Variants in CFAP43 observed in about 807,000 individuals in gnomAD.
CFAP43 encodes cilia and flagella associated protein 43, also known as cilia- and flagella-associated protein 43.
In CFAP43, 155 loss-of-function variants were observed where a neutral mutation model predicts 218.9. The ratio of observed to expected loss-of-function variants is 0.71; its 90% confidence interval spans 0.62 to 0.81. The LOEUF is 0.81. Ranked by LOEUF, CFAP43 falls within the 30% of genes least tolerant of loss-of-function variation. The pLI is 0.00. For missense variants in CFAP43, 1,778 were observed against 1,954.3 expected, an observed-to-expected ratio of 0.91 and a Z score of 1.70; for synonymous variants, 645 against 681.3, an observed-to-expected ratio of 0.95 and a Z score of 0.83.
chr10:104,210,269 T>A (rs1443017310), intron 5 of CFAP43, among the ~76,000 whole-genome samples: 1 of 152,266 alleles, frequency 6.6e-6, no homozygotes, highest in East Asian at 1.9e-4. Context: ...TCATTGACAT[T>A]CATTAGAGGA....
At chr10:104,227,821 T>C (rs531566829) in intron 2 of CFAP43, among the ~76,000 whole-genome samples, 1 of 150,154 alleles carries the variant, frequency 6.7e-6, no homozygotes, top group Non-Finnish European at 1.5e-5. Context: ...TCCTCTATTC[T>C]ACCATGTTTT....
rs1354285335 is a variant in CFAP43 at position 104,188,206 on chromosome 10, A to G, written c.1687+64T>C. On this transcript the variant is annotated intron_variant, in intron 13 of 37. Transcript: ENST00000357060. Reference sequence around the variant, plus strand: ...GCCAAGATAAAAACAAAACAAACCCAAAAAACAATAACAACAATGTATCTG... The same window carrying G: ...GCCAAGATAAAAACAAAACAAACCCGAAAAACAATAACAACAATGTATCTG... The G allele has an allele frequency of 8.3e-6, 13 of 1,569,240 alleles. No individual in the cohort carries two copies. The African/African-American group carries it at 1.6e-4, about 20-fold the overall frequency.
At position 104,206,000 on chromosome 10, in the gene CFAP43, A is replaced by G; in HGVS notation, c.926T>C (p.Leu309Ser). The G allele has an allele frequency of 6.2e-7, 1 of 1,610,548 alleles. No homozygotes were observed. Among genetic ancestry groups the G allele is most frequent in the Non-Finnish European group, 8.5e-7 (1 of 1,179,292 alleles). The change falls in exon 7 of 38, where the codon TTG (leucine) becomes TCG (serine). Residue 309 changes from leucine (L) to serine (S), a missense_variant. Coordinates refer to ENST00000357060, the MANE Select transcript of CFAP43 (RefSeq NM_025145.7). ...DRRNFISPVT[L>S]VYQKEGVLAS... ...CAGCACGCCCTCCTTCTGATATACC[A>G]AGGTTACTGGACTGATAAAATTTCT...
chr10:104,142,287 A>G lies in CFAP43; in HGVS notation c.4265T>C (p.Leu1422Pro). 3.1e-6 allele frequency: 5 copies of G among 1,610,308 alleles called. No individual in the cohort carries two copies. Among genetic ancestry groups the G allele is most frequent in the Non-Finnish European group, 4.2e-6 (5 of 1,178,126 alleles). ...AAAGAAAGCTTCAAATTACAGGATGAGTTCATGGAACACTCTCTCAATCTC... is the reference window on the plus strand; with the variant it reads ...AAAGAAAGCTTCAAATTACAGGATGGGTTCATGGAACACTCTCTCAATCTC... ...QQEIERVFHE[L>P]ILLQEEKVRF... is the part of the protein sequence containing the mutation. Residue 1422 changes from leucine (L) to proline (P), a missense_variant, in exon 33 of 38, where the codon CTC (leucine) becomes CCC (proline). This residue lies in a region of CFAP43 where 1,553 missense variants were observed against 1,685.2 expected (regional missense o/e 0.92). Transcript: ENST00000357060.
chr10:104,149,024 C>T (rs1285895796), intron 28 of CFAP43, among the ~76,000 whole-genome samples: 3 of 152,248 alleles, frequency 2.0e-5, no homozygotes, highest in Admixed American at 6.5e-5. Flanking sequence ...CTCTTATACT[C>T]TTCACGTTCC....
chr10:104,204,651 A>T (rs758383407), intron 7 of CFAP43, among the ~76,000 whole-genome samples: 6 of 152,192 alleles, frequency 3.9e-5, no homozygotes, highest in African/African-American at 1.4e-4. Flanking sequence ...AAAGGCACAA[A>T]TGCTGACTAA....
chr10:104,145,526 A>C lies in CFAP43; in HGVS notation c.3894T>G (p.Ile1298Met). ...DRSFKKEFSE[I>M]PGHQVDILYK... ...AGAGTATATCCACTTGATGACCAGG[A>C]ATTTCAGAAAATTCCTTTTTAAAGC... Residue 1298 changes from isoleucine to methionine, a missense_variant, in exon 31 of 38, where the codon ATT becomes ATG. This residue lies in a region of CFAP43 where 1,553 missense variants were observed against 1,685.2 expected (regional missense o/e 0.92). Coordinates refer to ENST00000357060, the MANE Select transcript of CFAP43 (RefSeq NM_025145.7). 6.2e-7 allele frequency: 1 copy of C among 1,602,948 alleles called. No homozygotes were observed. The highest frequency in any genetic ancestry group is 8.5e-7 in the Non-Finnish European group (1 of 1,171,984).
intron 27 of CFAP43, among the ~76,000 whole-genome samples, chr10:104,159,035 T>C (rs1173908266): frequency 1.3e-5 from 2 of 152,120 alleles, no homozygotes; most frequent in African/African-American, 2.4e-5. Context: ...AATAATCCAA[T>C]GTTAGGGAAG....
chr10:104,215,136 AAAATAAATAAATAAATAAAT>A (rs34704967), intron 3 of CFAP43, among the ~76,000 whole-genome samples: 1 of 146,374 alleles, frequency 6.8e-6, no homozygotes, highest in African/African-American at 2.5e-5. Context: ...CTCCATCTCA[AAAATAAATAAATAAATAAAT>A]AAATAAATAA....
Position 104,146,868 on chromosome 10 carries a change from A to G in CFAP43, c.3769-519T>C, listed in dbSNP as rs1370157. Among the ~76,000 whole-genome samples, 603 of 152,256 alleles carry G rather than the reference A, an allele frequency of 4.0e-3. 7 individuals are homozygous for G. The highest frequency in any genetic ancestry group is 3.9e-3 in the Non-Finnish European group (262 of 68,026). On this transcript the variant is annotated intron_variant, in intron 29 of 37. Coordinates refer to ENST00000357060, the MANE Select transcript of CFAP43 (RefSeq NM_025145.7). Reference sequence around the variant, plus strand: ...CCTAGGACCATCCAGAGAAAGCCAAATATGTTCCCTAAACCAGTAAAATGA... The same window carrying G: ...CCTAGGACCATCCAGAGAAAGCCAAGTATGTTCCCTAAACCAGTAAAATGA...
At chr10:104,182,301 C>T (rs2089872890) in intron 17 of CFAP43, 65 bp downstream of exon 17, 2 of 1,454,768 alleles carry the variant, frequency 1.4e-6, no homozygotes, top group South Asian at 1.6e-5. Flanking sequence ...AAACCACAAA[C>T]CGAAAACTTC....
chr10:104,142,437 C>T, intron 32 of CFAP43, 44 bp from the exon 33 acceptor site: 9 of 1,446,818 alleles, frequency 6.2e-6, no homozygotes, highest in Non-Finnish European at 8.6e-6. Context: ...TATGGAGCTT[C>T]AATTTTAGAC....
chr10:104,223,922 G>C (rs1297031071), intron 3 of CFAP43, among the ~76,000 whole-genome samples: 3 of 152,188 alleles, frequency 2.0e-5, no homozygotes, highest in Non-Finnish European at 4.4e-5. Flanking sequence ...AATATACACT[G>C]TGTCACTCCC....
chr10:104,230,138 A>T (rs1298307529), intron 2 of CFAP43, among the ~76,000 whole-genome samples: 2 of 151,830 alleles, frequency 1.3e-5, no homozygotes, highest in African/African-American at 4.9e-5. Context: ...ATCCTCAGTG[A>T]TCAGCTTGAT....
At chr10:104,177,292 G>A (rs1035562783) in intron 19 of CFAP43, among the ~76,000 whole-genome samples, 2 of 152,252 alleles carry the variant, frequency 1.3e-5, no homozygotes, top group East Asian at 1.9e-4. Context: ...AAAGCATTAG[G>A]CTACCAACTG....
At position 104,179,837 on chromosome 10, in the gene CFAP43, T is replaced by C. The variant is rs1362991523; in HGVS notation, c.2382+3A>G. 7.4e-6 allele frequency: 12 copies of C among 1,610,762 alleles called. No individual in the cohort carries two copies. In the African/African-American group the frequency reaches 1.5e-4, roughly 20 times the overall value. On this transcript the variant is annotated splice_donor_region_variant and intron_variant, in intron 18 of 37. Coordinates refer to ENST00000357060, the MANE Select transcript of CFAP43 (RefSeq NM_025145.7). ...TCAAACCTACCCCATGTTTCACAAA[T>C]ACCTCTTGGCTTTTTTGTTGTATCC...
chr10:104,199,700 G>C (rs1245585331), intron 8 of CFAP43, among the ~76,000 whole-genome samples: 2 of 152,244 alleles, frequency 1.3e-5, no homozygotes, highest in Non-Finnish European at 2.9e-5. Flanking sequence ...AGACTTCAGT[G>C]AGAAGGTGTG....
chr10:104,134,690 G>A (rs2087357206), intron 34 of CFAP43, among the ~76,000 whole-genome samples: 2 of 151,860 alleles, frequency 1.3e-5, no homozygotes, highest in Admixed American at 1.3e-4. Context: ...AAAAGTAATA[G>A]AAAATTTTAA....
Position 104,206,754 on chromosome 10 carries a change from AC to A in CFAP43, c.896-725del, listed in dbSNP as rs527447852. ...GCAAGGCCCCCTCCTCCCAGGGTCTACATCTACTGCTCAATGAGTGGACAGT... is the reference window on the plus strand; with the variant it reads ...GCAAGGCCCCCTCCTCCCAGGGTCTAATCTACTGCTCAATGAGTGGACAGT... On this transcript the variant is annotated intron_variant, in intron 6 of 37. Transcript: ENST00000357060. 1.7e-3 allele frequency among the ~76,000 whole-genome samples: 261 copies of A among 152,370 alleles called. 1 individual carries two copies. The highest frequency in any genetic ancestry group is 5.0e-3 in the South Asian group (24 of 4,834).
Sources: allele counts gnomAD v4.1 joint callset (sites outside exome capture counted in the v4.1 genomes callset), GRCh38; gene constraint gnomAD v4.1.1; regional missense constraint gnomAD v4.1.1; transcripts MANE v1.5; gene names NCBI Gene and HGNC (gene_info 2026-07-23, HGNC 2026-07-21).